COL17A1: variants seen among roughly 807,000 people sequenced by gnomAD.
COL17A1 encodes collagen type XVII alpha 1 chain, also known as collagen alpha-1(XVII) chain.
A neutral mutation model predicts 218.4 loss-of-function variants in COL17A1; 181 were observed. The observed-to-expected ratio is 0.83, with a 90% CI of 0.73 to 0.94. COL17A1 has a LOEUF of 0.94. Ranked by LOEUF, COL17A1 falls within the 40% of genes least tolerant of loss-of-function variation. COL17A1 has a pLI of 0.00. For missense variants in COL17A1, 1,924 were observed against 1,945.9 expected, an observed-to-expected ratio of 0.99 and a Z score of 0.21; for synonymous variants, 721 against 731.0, an observed-to-expected ratio of 0.99 and a Z score of 0.22.
chr10:104,038,215 G>A (rs1238953418), intron 45 of COL17A1, among the ~76,000 whole-genome samples, 191 bp downstream of exon 45: 1 of 146,622 alleles, frequency 6.8e-6, no homozygotes, highest in African/African-American at 2.6e-5. Flanking sequence ...CCTGGGCCTG[G>A]ACACATAGAC....
rs745724377 is a variant in COL17A1 at position 104,034,156 on chromosome 10, T to A, written c.3945A>T (p.Gly1315=). Residue 1315 remains glycine, a synonymous_variant, in exon 52 of 56, where the codon GGA becomes GGT. Transcript: ENST00000648076. ...SSYSSSMSTG[G]GGAGSLGAGG... ...CTGCACCCAGGGAGCCTGCACCACCTCCTCCTGTGCTCATGGAAGAGCTGT... is the reference window on the plus strand; with the variant it reads ...CTGCACCCAGGGAGCCTGCACCACCACCTCCTGTGCTCATGGAAGAGCTGT... 39 of 1,613,434 alleles carry A rather than the reference T, an allele frequency of 2.4e-5. No homozygotes were observed. The highest frequency in any genetic ancestry group is 3.1e-5 in the Non-Finnish European group (36 of 1,179,928).
At chr10:104,045,590 C>T (rs1322970445) in intron 33 of COL17A1, among the ~76,000 whole-genome samples, 168 bp downstream of exon 33, 1 of 152,090 alleles carries the variant, frequency 6.6e-6, no homozygotes, top group Non-Finnish European at 1.5e-5. Context: ...GAGGACTGGG[C>T]TTGGTTCACA....
At chr10:104,066,863 C>A (rs1445382123) in intron 9 of COL17A1, among the ~76,000 whole-genome samples, 1 of 152,218 alleles carries the variant, frequency 6.6e-6, no homozygotes, top group Non-Finnish European at 1.5e-5. Flanking sequence ...TTAGAGAAGT[C>A]CCTATGGGAC....
At chr10:104,059,438 C>G (rs755326930) in intron 15 of COL17A1, 200 bp downstream of exon 15, 6 of 626,942 alleles carry the variant, frequency 9.6e-6, no homozygotes, top group Non-Finnish European at 1.4e-5. Flanking sequence ...TGCAAATCAC[C>G]TAGGAAGCTT....
chr10:104,063,680 G>T, intron 11 of COL17A1, 67 bp downstream of exon 11: 1 of 1,605,702 alleles, frequency 6.2e-7, no homozygotes, highest in East Asian at 2.2e-5. Context: ...TCATGCTCTT[G>T]GGTGAAGCAT....
chr10:104,064,009 G>A (rs935780635), intron 10 of COL17A1, among the ~76,000 whole-genome samples, 191 bp from the exon 11 acceptor site: 1 of 152,176 alleles, frequency 6.6e-6, no homozygotes, highest in African/African-American at 2.4e-5. Context: ...CTGCACCTTG[G>A]GTCACAGCCA....
intron 24 of COL17A1, 40 bp downstream of exon 24, chr10:104,052,115 C>G (rs1010911288): frequency 6.2e-7 from 1 of 1,613,724 alleles, no homozygotes; most frequent in Non-Finnish European, 8.5e-7. Flanking sequence ...GTGGCTTCTC[C>G]TCTGGAAAAC....
chr10:104,035,540 G>T lies in COL17A1; in HGVS notation c.3442C>A (p.Pro1148Thr). Residue 1148 changes from proline (P) to threonine (T), a missense_variant, in exon 49 of 56, where the codon CCT (proline) becomes ACT (threonine). Physicochemically the swap from Pro to Thr is conservative, Grantham distance 38. Coordinates refer to ENST00000648076, the MANE Select transcript of COL17A1 (RefSeq NM_000494.4). ...AAGCCAGGGGGCCCCGGGGGACCAG[G>T]AAGCCCAATGCTGATCCCAGAACCT... ...MSSSGISIGL[P>T]GPPGPPGLPG... 1 of 1,613,816 alleles carries T rather than the reference G, an allele frequency of 6.2e-7. No homozygotes were observed. Among genetic ancestry groups the T allele is most frequent in the Non-Finnish European group, 8.5e-7 (1 of 1,179,886 alleles).
chr10:104,045,796 G>A lies in COL17A1; in HGVS notation c.2363-3C>T. 5 of 1,611,568 alleles carry A rather than the reference G, an allele frequency of 3.1e-6. No homozygotes were observed. Among genetic ancestry groups the A allele is most frequent in the Non-Finnish European group, 4.2e-6 (5 of 1,177,600 alleles). Reference sequence around the variant, plus strand: ...TCGGCCAGGGGTACCGGGAAGTCCTGATGTGATTAGAACAAGTAGTCAGGA... The same window carrying A: ...TCGGCCAGGGGTACCGGGAAGTCCTAATGTGATTAGAACAAGTAGTCAGGA... On this transcript the variant is annotated splice_polypyrimidine_tract_variant and splice_region_variant and intron_variant, in intron 32 of 55. Transcript: ENST00000648076.
At chr10:104,076,261 G>A (rs2086709013) in intron 5 of COL17A1, 40 bp downstream of exon 5, 1 of 1,612,892 alleles carries the variant, frequency 6.2e-7, no homozygotes, top group Admixed American at 1.7e-5. Flanking sequence ...GTTGCTTGGG[G>A]AAGAGAATGG....
At chr10:104,085,501 C>A (rs1186555367) in intron 1 of COL17A1, among the ~76,000 whole-genome samples, 1 of 152,246 alleles carries the variant, frequency 6.6e-6, no homozygotes, top group East Asian at 1.9e-4. Flanking sequence ...AACCAGCCTT[C>A]AGCCTTCTCC....
At position 104,039,133 on chromosome 10, in the gene COL17A1, A is replaced by T. The variant is rs769525859; in HGVS notation, c.2897-12T>A. ...AACACCTGGATCACCTGGAATCCAA[A>T]ATGAGAAGTTTGCCTCACCTCCTCC... On this transcript the variant is annotated splice_polypyrimidine_tract_variant and intron_variant, in intron 43 of 55. Coordinates refer to ENST00000648076, the MANE Select transcript of COL17A1 (RefSeq NM_000494.4). 1 of 1,613,964 alleles carries T rather than the reference A, an allele frequency of 6.2e-7. No homozygotes were observed. The highest frequency in any genetic ancestry group is 1.1e-5 in the South Asian group (1 of 91,088).
intron 20 of COL17A1, 139 bp downstream of exon 20, chr10:104,054,842 C>T (rs1589567180): frequency 1.5e-6 from 2 of 1,378,368 alleles, no homozygotes; most frequent in Non-Finnish European, 2.0e-6. Flanking sequence ...GATTGGAAAC[C>T]TCTCCTCCTC....
chr10:104,071,298 G>A (rs531552746), intron 8 of COL17A1, among the ~76,000 whole-genome samples: 1 of 152,170 alleles, frequency 6.6e-6, no homozygotes, highest in Admixed American at 6.5e-5. Flanking sequence ...GAAGGACTCA[G>A]GTGAGAAGGT....
At chr10:104,078,727 T>G in intron 2 of COL17A1, 141 bp from the exon 3 acceptor site, 1 of 1,171,078 alleles carries the variant, frequency 8.5e-7, no homozygotes, top group Non-Finnish European at 1.2e-6. Context: ...CTTTAAGGTG[T>G]GTGATCTGAC....
In COL17A1 at chr10:104,070,427, C is replaced by T. The variant is rs17116450; in HGVS notation, c.606G>A (p.Ser202=). ...ETKIVTASSQ[S]VSGTYDATIL... is the part of the protein sequence containing the mutation. Reference sequence around the variant, plus strand: ...GGCAGCCTGGGCTGTCAGACTTACCCGACTGGGAGCTCGCTGTCACAATTT... The same window carrying T: ...GGCAGCCTGGGCTGTCAGACTTACCTGACTGGGAGCTCGCTGTCACAATTT... Residue 202 remains serine, a splice_region_variant and synonymous_variant, in exon 9 of 56, where the codon TCG becomes TCA. Transcript: ENST00000648076. 8 of 1,613,250 alleles carry T rather than the reference C, an allele frequency of 5.0e-6. No individual in the cohort carries two copies. Among genetic ancestry groups the T allele is most frequent in the Admixed American group, 1.7e-5 (1 of 60,008 alleles).
chr10:104,041,151 C>A, intron 38 of COL17A1, 33 bp from the exon 39 acceptor site: 1 of 1,608,220 alleles, frequency 6.2e-7, no homozygotes, highest in Non-Finnish European at 8.5e-7. Flanking sequence ...CTTATTAGTG[C>A]CAAGAGGGGA....
In COL17A1 at chr10:104,055,803, G is replaced by A; in HGVS notation, c.1666C>T (p.Leu556=). 6.2e-7 allele frequency: 1 copy of A among 1,614,176 alleles called. No individual in the cohort carries two copies. The change falls in exon 18 of 56, where the codon CTA becomes TTA. Residue 556 remains leucine (L), a synonymous_variant. Coordinates refer to ENST00000648076, the MANE Select transcript of COL17A1 (RefSeq NM_000494.4). ...EELWMFVRKK[L]MMEQENGNLR... is the part of the protein sequence containing the mutation. ...TCACCATTTTCCTGTTCCATCATTA[G>A]CTTCTTCCTCACGAACATCCAGAGC...
intron 17 of COL17A1, 74 bp from the exon 18 acceptor site, chr10:104,056,077 G>A: frequency 2.6e-6 from 4 of 1,552,514 alleles, no homozygotes; most frequent in Non-Finnish European, 3.6e-6. Flanking sequence ...TCCTAGTGGA[G>A]AGCCTGACAC....
Sources: allele counts gnomAD v4.1 joint callset (sites outside exome capture counted in the v4.1 genomes callset), GRCh38; gene constraint gnomAD v4.1.1; transcripts MANE v1.5; gene names NCBI Gene and HGNC (gene_info 2026-07-23, HGNC 2026-07-21).